The following GABRA2 variants were observed in gnomAD, a reference collection of about 807,000 sequenced individuals.
GABRA2 encodes the protein gamma-aminobutyric acid type A receptor subunit alpha2.
In GABRA2, 16 loss-of-function variants were observed where a neutral mutation model predicts 48.7. The ratio of observed to expected loss-of-function variants is 0.33; its 90% CI spans 0.22 to 0.50. GABRA2 has a LOEUF of 0.50. Among genes scored for constraint, GABRA2 ranks in the 20% least tolerant of loss-of-function variants. The pLI is 0.98. For synonymous variants in GABRA2, 185 were observed against 184.5 expected, an observed-to-expected ratio of 1.00 and a Z score of -0.02; for missense variants, 275 against 535.6, an observed-to-expected ratio of 0.51 and a Z score of 4.80.
rs890411952 is a variant in GABRA2, at chr4:46,313,120, T to C, written c.256-404A>G. Among the ~76,000 whole-genome samples, 179 of 29,224 alleles carry C rather than the reference T, an allele frequency of 6.1e-3. 1 individual carries two copies. The highest frequency in any genetic ancestry group is 0.017 in the Middle Eastern group (1 of 58). 19.2% of individuals were successfully genotyped at this position (29,224 alleles called of 152,430 possible). On this transcript the variant is annotated intron_variant, in intron 4 of 9. Coordinates refer to ENST00000381620, the MANE Select transcript of GABRA2 (RefSeq NM_000807.4). ...AGTAGGCAGCTTTCCCAGTAGCAAA[T>C]AAATAAATAAATAAATAAATAAATA...
At chr4:46,379,802 C>T (rs1270221528) in intron 3 of GABRA2, among the ~76,000 whole-genome samples, 1 of 152,226 alleles carries the variant, frequency 6.6e-6, no homozygotes, top group Admixed American at 6.5e-5. Context: ...GCTTTAACAT[C>T]TGGAGTTTAC....
chr4:46,384,443 G>A (rs1173959078), intron 3 of GABRA2, among the ~76,000 whole-genome samples: 1 of 152,134 alleles, frequency 6.6e-6, no homozygotes, highest in Non-Finnish European at 1.5e-5. Context: ...AAGGATGCAA[G>A]ATTTTACAAA....
At chr4:46,347,993 C>T (rs181702061) in intron 3 of GABRA2, among the ~76,000 whole-genome samples, 144 of 152,064 alleles carry the variant, frequency 9.5e-4, no homozygotes, top group Non-Finnish European at 1.4e-3. Flanking sequence ...AGGCAACCTA[C>T]GAAATGGGAG....
At chr4:46,255,163 A>C (rs1366294867) in intron 9 of GABRA2, among the ~76,000 whole-genome samples, 1 of 151,598 alleles carries the variant, frequency 6.6e-6, no homozygotes, top group East Asian at 1.9e-4. Flanking sequence ...TGTGTATTGC[A>C]GAGTTCCTAG....
At chr4:46,387,861 G>C (rs1041040045) in intron 2 of GABRA2, among the ~76,000 whole-genome samples, 1 of 152,022 alleles carries the variant, frequency 6.6e-6, no homozygotes, top group Non-Finnish European at 1.5e-5. Flanking sequence ...TATAAAACTT[G>C]TATCTTAAGT....
intron 4 of GABRA2, among the ~76,000 whole-genome samples, chr4:46,324,035 T>C (rs1227416947): frequency 6.6e-6 from 1 of 151,948 alleles, no homozygotes; most frequent in Non-Finnish European, 1.5e-5. Flanking sequence ...TGCTGCCCTC[T>C]GTCTCGCCTC....
chr4:46,351,722 C>T lies in GABRA2; in HGVS notation c.188-19040G>A, dbSNP rs985001490. On this transcript the variant is annotated intron_variant, in intron 3 of 9. Coordinates refer to ENST00000381620, the MANE Select transcript of GABRA2 (RefSeq NM_000807.4). ...AAAGCTGTATTTACTATTTATTAGT[C>T]TAAAACATATCTTTAATTTCTCAGC... is the stretch of plus-strand genomic sequence containing the variant. Among the ~76,000 whole-genome samples the T allele has an allele frequency of 3.9e-5, 6 of 152,018 alleles. No homozygotes were observed. The South Asian group carries it at 1.2e-3, about 32-fold the overall frequency.
chr4:46,345,795 G>T (rs1023496193), intron 3 of GABRA2, among the ~76,000 whole-genome samples: 1 of 151,864 alleles, frequency 6.6e-6, no homozygotes, highest in African/African-American at 2.4e-5. Context: ...CCCTAAGAAG[G>T]AAAAATGACA....
At chr4:46,389,640 G>T in intron 1 of GABRA2, 95 bp downstream of exon 1, 1 of 715,730 alleles carries the variant, frequency 1.4e-6, no homozygotes, top group Non-Finnish European at 1.7e-6. Flanking sequence ...TTTCCAGGGA[G>T]CCTCTGAAAG....
chr4:46,343,479 A>G (rs1395325406), intron 3 of GABRA2, among the ~76,000 whole-genome samples: 1 of 151,942 alleles, frequency 6.6e-6, no homozygotes, highest in Non-Finnish European at 1.5e-5. Flanking sequence ...ACATAAGAGA[A>G]TATTAGGCCT....
intron 8 of GABRA2, among the ~76,000 whole-genome samples, chr4:46,287,196 T>C (rs1470418240): frequency 6.6e-6 from 1 of 152,174 alleles, no homozygotes; most frequent in Non-Finnish European, 1.5e-5. Context: ...TATAACAGCA[T>C]CATTTGATAA....
intron 3 of GABRA2, chr4:46,365,452 G>A (rs1057442027): frequency 6.6e-6 from 1 of 152,040 alleles, no homozygotes; most frequent in African/African-American, 2.4e-5. Context: ...CCTATTTTTA[G>A]ATGTTCTCTC....
intron 3 of GABRA2, among the ~76,000 whole-genome samples, chr4:46,356,437 GA>G (rs35415258): frequency 2.9e-4 from 41 of 139,646 alleles, no homozygotes; most frequent in South Asian, 1.1e-3. Flanking sequence ...AACTCACTAA[GA>G]AAAAAAAAAA....
chr4:46,293,316 C>A (rs1306211380), intron 8 of GABRA2, among the ~76,000 whole-genome samples: 1 of 152,160 alleles, frequency 6.6e-6, no homozygotes, highest in Non-Finnish European at 1.5e-5. Flanking sequence ...GGGACCCCAC[C>A]ACACTACCGA....
chr4:46,363,817 A>G (rs184836130), intron 3 of GABRA2: 109 of 152,306 alleles, frequency 7.2e-4, no homozygotes, highest in Middle Eastern at 3.4e-3. Flanking sequence ...TCATTTTGGA[A>G]TGTGTAGTTT....
chr4:46,348,061 C>G lies in GABRA2; in HGVS notation c.188-15379G>C, dbSNP rs1365763781. Among the ~76,000 whole-genome samples, 4 of 152,106 alleles carry G rather than the reference C, an allele frequency of 2.6e-5. No homozygotes were observed. The South Asian group carries it at 8.3e-4, about 32-fold the overall frequency. On this transcript the variant is annotated intron_variant, in intron 3 of 9. Coordinates refer to ENST00000381620, the MANE Select transcript of GABRA2 (RefSeq NM_000807.4). Reference sequence around the variant, plus strand: ...GCTAATATCCAGAATCTACAATGAACCCAAACAAATTTACAAGAAAAAAAC... The same window carrying G: ...GCTAATATCCAGAATCTACAATGAAGCCAAACAAATTTACAAGAAAAAAAC...
At chr4:46,300,526 T>TA (rs1725556562) in intron 8 of GABRA2, among the ~76,000 whole-genome samples, 1 of 152,010 alleles carries the variant, frequency 6.6e-6, no homozygotes, top group Non-Finnish European at 1.5e-5. Context: ...TCTTGTCACT[T>TA]ACGATTGTCA....
At chr4:46,289,006 T>G (rs964606807) in intron 8 of GABRA2, among the ~76,000 whole-genome samples, 12 of 152,094 alleles carry the variant, frequency 7.9e-5, no homozygotes, top group Non-Finnish European at 1.8e-4. Flanking sequence ...CACAATGAGA[T>G]ACCATCTGAT....
chr4:46,251,984 G>T (rs1318383957), intron 9 of GABRA2, among the ~76,000 whole-genome samples: 1 of 151,458 alleles, frequency 6.6e-6, no homozygotes, highest in Non-Finnish European at 1.5e-5. Context: ...AATTGAGACA[G>T]CAGTGAATTA....
Sources: allele counts gnomAD v4.1 joint callset (sites outside exome capture counted in the v4.1 genomes callset), GRCh38; gene constraint gnomAD v4.1.1; transcripts MANE v1.5; gene names NCBI Gene and HGNC (gene_info 2026-07-23, HGNC 2026-07-21).